Variants in TAS2R1 observed in about 807,000 individuals in gnomAD.
TAS2R1 encodes taste receptor type 2 member 1.
For synonymous variants in TAS2R1, 141 were observed against 134.2 expected, an observed-to-expected ratio of 1.05 and a Z score of -0.35; for missense variants, 370 against 353.4, an observed-to-expected ratio of 1.05 and a Z score of -0.38.
At chr5:9,875,353 G>A in the TAS2R1 span, among the ~76,000 whole-genome samples, 1 of 152,198 alleles carries the variant, frequency 6.6e-6, no homozygotes, top group East Asian at 1.9e-4. Context: ...GCTGCCAGCT[G>A]AATTCAGCTC....
At chr5:9,669,845 G>C (rs756825963) in intron 1 of TAS2R1, among the ~76,000 whole-genome samples, 5 of 151,958 alleles carry the variant, frequency 3.3e-5, no homozygotes, top group Non-Finnish European at 7.4e-5. Context: ...ATCACAGCTA[G>C]AGGGACCAGA....
chr5:9,831,992 G>A, the TAS2R1 span, among the ~76,000 whole-genome samples: 45 of 152,284 alleles, frequency 3.0e-4, no homozygotes, highest in African/African-American at 1.1e-3. Flanking sequence ...AATGACGTGC[G>A]CTTCACAGTT....
the TAS2R1 span, among the ~76,000 whole-genome samples, chr5:9,760,450 A>C: frequency 6.6e-6 from 1 of 152,212 alleles, no homozygotes; most frequent in Non-Finnish European, 1.5e-5. Flanking sequence ...CCTCAACAGA[A>C]TATTAGCAAA....
chr5:9,647,600 T>C (rs987556471), intron 2 of TAS2R1, among the ~76,000 whole-genome samples: 3 of 152,142 alleles, frequency 2.0e-5, no homozygotes, highest in African/African-American at 7.2e-5. Context: ...GCAAAATTGG[T>C]CCAATATATT....
the TAS2R1 span, among the ~76,000 whole-genome samples, chr5:9,719,000 A>T: frequency 6.6e-6 from 1 of 152,246 alleles, no homozygotes; most frequent in Non-Finnish European, 1.5e-5. Context: ...TGTACTGGAG[A>T]AAAAGTGTTA....
At chr5:9,757,242 T>G in the TAS2R1 span, among the ~76,000 whole-genome samples, 2 of 152,206 alleles carry the variant, frequency 1.3e-5, no homozygotes, top group Non-Finnish European at 2.9e-5. Context: ...ACTGAGCTCT[T>G]TCATAGTGTG....
chr5:9,882,926 A>C, the TAS2R1 span, among the ~76,000 whole-genome samples: 24,745 of 152,198 alleles, frequency 0.16, 2,292 homozygotes, highest in Middle Eastern at 0.22. Flanking sequence ...ACATGCATGC[A>C]TATGTTCATT....
chr5:9,642,167 CAGG>C (rs1740098020), intron 2 of TAS2R1, among the ~76,000 whole-genome samples: 3 of 152,140 alleles, frequency 2.0e-5, no homozygotes, highest in South Asian at 2.1e-4. Context: ...AGCTTTTCAT[CAGG>C]TAGAAGGCTG....
chr5:9,791,518 G>A, the TAS2R1 span, among the ~76,000 whole-genome samples: 1 of 152,164 alleles, frequency 6.6e-6, no homozygotes, highest in Admixed American at 6.5e-5. Flanking sequence ...GGGCAACACA[G>A]TGAAACCCCA....
intron 1 of TAS2R1, among the ~76,000 whole-genome samples, chr5:9,680,763 G>A (rs1460314512): frequency 6.6e-6 from 1 of 152,026 alleles, no homozygotes; most frequent in Non-Finnish European, 1.5e-5. Flanking sequence ...AATCTAACGT[G>A]GTATCATGGC....
chr5:9,695,718 G>C (rs761242344), intron 1 of TAS2R1, among the ~76,000 whole-genome samples: 1 of 152,080 alleles, frequency 6.6e-6, no homozygotes, highest in Non-Finnish European at 1.5e-5. Context: ...GAAAGTACTA[G>C]GGGACGTCAT....
At chr5:9,659,200 C>T (rs1740479057) in intron 2 of TAS2R1, among the ~76,000 whole-genome samples, 1 of 152,182 alleles carries the variant, frequency 6.6e-6, no homozygotes, top group Admixed American at 6.5e-5. Flanking sequence ...TTGCACCCTA[C>T]ACCCGTGTGA....
chr5:9,802,772 G>A, the TAS2R1 span, among the ~76,000 whole-genome samples: 6 of 152,070 alleles, frequency 3.9e-5, no homozygotes, highest in Non-Finnish European at 7.4e-5. Flanking sequence ...ACGTGGTGGC[G>A]GGCATCTGTA....
chr5:9,641,177 GA>G (rs1740075238), intron 2 of TAS2R1: 1 of 152,122 alleles, frequency 6.6e-6, no homozygotes, highest in Non-Finnish European at 1.5e-5. Context: ...AGACTTAAAA[GA>G]AATAACGATG....
At chr5:9,807,460 T>C in the TAS2R1 span, among the ~76,000 whole-genome samples, 1 of 152,190 alleles carries the variant, frequency 6.6e-6, no homozygotes, top group African/African-American at 2.4e-5. Flanking sequence ...TGCCTGTTTA[T>C]AGCAGCACAA....
At chr5:9,783,852 C>A in the TAS2R1 span, among the ~76,000 whole-genome samples, 1 of 152,264 alleles carries the variant, frequency 6.6e-6, no homozygotes, top group East Asian at 1.9e-4. Context: ...GTGAAGCATT[C>A]AAGACAGGGA....
intron 1 of TAS2R1, among the ~76,000 whole-genome samples, chr5:9,698,671 CAACA>C (rs1271870520): frequency 2.0e-5 from 3 of 152,080 alleles, no homozygotes; most frequent in Admixed American, 2.0e-4. Context: ...TATTTAACAA[CAACA>C]AACAAATTCC....
At chr5:9,705,029 G>T (rs1288939164) in intron 1 of TAS2R1, among the ~76,000 whole-genome samples, 1 of 151,768 alleles carries the variant, frequency 6.6e-6, no homozygotes, top group African/African-American at 2.4e-5. Context: ...GTGGCTAATT[G>T]GTTGTTCTTC....
chr5:9,901,606 G>A, the TAS2R1 span, among the ~76,000 whole-genome samples: 1 of 152,086 alleles, frequency 6.6e-6, no homozygotes, highest in African/African-American at 2.4e-5. Context: ...TACATCATAA[G>A]CAGGGTATTT....
Sources: gnomAD v4.1 joint callset for allele counts (sites outside exome capture counted in the v4.1 genomes callset) on GRCh38, gnomAD v4.1.1 for gene constraint, MANE v1.5 for transcripts, NCBI Gene and HGNC (gene_info 2026-07-23, HGNC 2026-07-21) for gene names.